Variants in SHROOM3 observed in about 807,000 individuals in gnomAD.
SHROOM3 encodes the protein protein Shroom3.
A neutral mutation model predicts 138.6 loss-of-function variants in SHROOM3; 47 were observed. The ratio of observed to expected loss-of-function variants is 0.34; its 90% CI spans 0.27 to 0.43. SHROOM3 has a LOEUF of 0.43. Among genes scored for constraint, SHROOM3 ranks in the 20% least tolerant of loss-of-function variants. The pLI is 1.00. For missense variants in SHROOM3, 2,491 were observed against 2,596.5 expected (o/e 0.96, Z 0.88); for synonymous variants, 1,062 against 1,063.3 (o/e 1.00, Z 0.02).
intron 2 of SHROOM3, among the ~76,000 whole-genome samples, chr4:76,665,385 G>A (rs2110095094): frequency 6.6e-6 from 1 of 152,270 alleles, no homozygotes; most frequent in African/African-American, 2.4e-5. Flanking sequence ...TGAGGGTGGG[G>A]CACCTGGGAA....
At chr4:76,629,907 G>C (rs1172922746) in intron 2 of SHROOM3, among the ~76,000 whole-genome samples, 4 of 152,196 alleles carry the variant, frequency 2.6e-5, no homozygotes, top group Non-Finnish European at 5.9e-5. Context: ...TGGAAACTGG[G>C]CTGGATATGT....
intron 2 of SHROOM3, among the ~76,000 whole-genome samples, chr4:76,650,417 C>A (rs1735928776): frequency 6.6e-6 from 1 of 152,174 alleles, no homozygotes; most frequent in Admixed American, 6.5e-5. Flanking sequence ...ACTATACAAT[C>A]TAGCAATCCC....
intron 2 of SHROOM3, among the ~76,000 whole-genome samples, chr4:76,625,783 T>A (rs772092164): frequency 1.3e-5 from 2 of 152,192 alleles, no homozygotes; most frequent in Non-Finnish European, 2.9e-5. Context: ...ACATCATGTC[T>A]TTGTCTACCC....
At chr4:76,500,885 T>A (rs1281180567) in intron 1 of SHROOM3, among the ~76,000 whole-genome samples, 2 of 152,106 alleles carry the variant, frequency 1.3e-5, no homozygotes, top group Non-Finnish European at 2.9e-5. Flanking sequence ...CAGCTCACTG[T>A]AACTTCAAAC....
intron 1 of SHROOM3, among the ~76,000 whole-genome samples, chr4:76,553,600 C>T (rs1307934539): frequency 2.0e-5 from 3 of 152,202 alleles, no homozygotes; most frequent in Non-Finnish European, 2.9e-5. Flanking sequence ...AAGCGATTCT[C>T]CCACTTCAGC....
At chr4:76,451,621 T>A (rs1244424371) in intron 1 of SHROOM3, among the ~76,000 whole-genome samples, 1 of 152,178 alleles carries the variant, frequency 6.6e-6, no homozygotes, top group East Asian at 1.9e-4. Context: ...ATGTGCTATG[T>A]GGATATATGC....
chr4:76,559,945 A>G (rs1432293259), intron 2 of SHROOM3, among the ~76,000 whole-genome samples: 1 of 152,176 alleles, frequency 6.6e-6, no homozygotes, highest in African/African-American at 2.4e-5. Flanking sequence ...TTGATACACG[A>G]AGAGTGAAGG....
At chr4:76,576,911 C>T (rs1733951566) in intron 2 of SHROOM3, among the ~76,000 whole-genome samples, 1 of 151,586 alleles carries the variant, frequency 6.6e-6, no homozygotes, top group South Asian at 2.1e-4. Context: ...GTGATTAAAG[C>T]AAAAATAAAA....
At chr4:76,507,979 C>G (rs1732249431) in intron 1 of SHROOM3, among the ~76,000 whole-genome samples, 1 of 152,192 alleles carries the variant, frequency 6.6e-6, no homozygotes, top group Admixed American at 6.5e-5. Flanking sequence ...CTATCAGATA[C>G]ATGTTTTACA....
intron 1 of SHROOM3, among the ~76,000 whole-genome samples, chr4:76,461,041 G>A (rs1441149318): frequency 6.6e-6 from 1 of 150,942 alleles, no homozygotes; most frequent in Non-Finnish European, 1.5e-5. Context: ...AGAAGAAAAA[G>A]CAATTAGATT....
intron 1 of SHROOM3, among the ~76,000 whole-genome samples, chr4:76,508,947 G>A (rs1165824901): frequency 6.6e-6 from 1 of 152,150 alleles, no homozygotes; most frequent in Non-Finnish European, 1.5e-5. Flanking sequence ...CATGGTGGAA[G>A]GCGGAAGGAC....
intron 2 of SHROOM3, among the ~76,000 whole-genome samples, chr4:76,568,664 C>G (rs748848974): frequency 2.6e-5 from 4 of 152,194 alleles, no homozygotes; most frequent in Non-Finnish European, 5.9e-5. Context: ...AGCCTGGCTT[C>G]AGGGGTGCTT....
At chr4:76,578,778 T>A (rs1270652231) in intron 2 of SHROOM3, among the ~76,000 whole-genome samples, 5 of 152,208 alleles carry the variant, frequency 3.3e-5, no homozygotes, top group Non-Finnish European at 7.3e-5. Context: ...TACACTTTAA[T>A]AAACATTTTT....
chr4:76,708,190 T>C (rs1449457555), intron 2 of SHROOM3, among the ~76,000 whole-genome samples: 1 of 152,110 alleles, frequency 6.6e-6, no homozygotes, highest in Non-Finnish European at 1.5e-5. Flanking sequence ...GAATCATACA[T>C]TGAAAATGCT....
chr4:76,742,581 C>T (rs896460039), intron 5 of SHROOM3, among the ~76,000 whole-genome samples: 5 of 152,124 alleles, frequency 3.3e-5, no homozygotes, highest in Admixed American at 1.3e-4. Context: ...CTCAAAATCT[C>T]ACATAAAAGG....
intron 1 of SHROOM3, among the ~76,000 whole-genome samples, chr4:76,517,057 T>C (rs1732458047): frequency 6.6e-6 from 1 of 152,232 alleles, no homozygotes; most frequent in Non-Finnish European, 1.5e-5. Context: ...TTTCTCAGTC[T>C]TACAATGGGA....
intron 1 of SHROOM3, among the ~76,000 whole-genome samples, chr4:76,491,852 CTG>C (rs1731857442): frequency 6.6e-6 from 1 of 152,142 alleles, no homozygotes; most frequent in Admixed American, 6.5e-5. Flanking sequence ...CTGAGCTTTG[CTG>C]TGTTTTCTAT....
chr4:76,455,309 T>TA (rs1731005950), intron 1 of SHROOM3, among the ~76,000 whole-genome samples: 2 of 152,112 alleles, frequency 1.3e-5, no homozygotes, highest in South Asian at 2.1e-4. Context: ...TGTCACACTT[T>TA]AAAAAAATCT....
At chr4:76,496,229 G>A (rs1579194042) in intron 1 of SHROOM3, among the ~76,000 whole-genome samples, 1 of 152,204 alleles carries the variant, frequency 6.6e-6, no homozygotes, top group African/African-American at 2.4e-5. Flanking sequence ...GCAGGGCACT[G>A]CAGTGTTAGG....
Sources: allele counts gnomAD v4.1 joint callset (sites outside exome capture counted in the v4.1 genomes callset), GRCh38; gene constraint gnomAD v4.1.1; transcripts MANE v1.5; gene names NCBI Gene and HGNC (gene_info 2026-07-23, HGNC 2026-07-21).